DCDC2C: variants seen among roughly 807,000 people sequenced by gnomAD.
DCDC2C encodes doublecortin domain-containing protein 2C.
DCDC2C carries 44 observed loss-of-function variants against 45.0 expected under a neutral mutation model. The observed-to-expected ratio is 0.98, with a 90% confidence interval of 0.77 to 1.26. The LOEUF (loss-of-function observed/expected upper bound fraction) is 1.26. DCDC2C is among the 50% of genes most tolerant of loss of function. DCDC2C has a pLI of 0.00. For synonymous variants in DCDC2C, 187 were observed against 178.8 expected (o/e 1.05, Z -0.37); for missense variants, 447 against 468.9 (o/e 0.95, Z 0.43).
At chr2:3,720,931 C>G (rs773052252) in intron 2 of DCDC2C, among the ~76,000 whole-genome samples, 1 of 152,194 alleles carries the variant, frequency 6.6e-6, no homozygotes, top group African/African-American at 2.4e-5. Context: ...ACAAATTCAA[C>G]TCTTCAGTAA....
chr2:3,720,276 G>A (rs1432051049), intron 2 of DCDC2C, among the ~76,000 whole-genome samples: 2 of 152,240 alleles, frequency 1.3e-5, no homozygotes, highest in African/African-American at 4.8e-5. Flanking sequence ...TTTGAAGCAA[G>A]AGTCAGCTGC....
intron 6 of DCDC2C, among the ~76,000 whole-genome samples, chr2:3,763,095 C>A (rs1279073791): frequency 6.6e-6 from 1 of 152,186 alleles, no homozygotes; most frequent in African/African-American, 2.4e-5. Context: ...CCACACCCCT[C>A]CCCTGGACCA....
chr2:3,724,557 G>A (rs79744363), intron 2 of DCDC2C, among the ~76,000 whole-genome samples: 1 of 152,188 alleles, frequency 6.6e-6, no homozygotes, highest in East Asian at 1.9e-4. Context: ...CATGGCTTGG[G>A]TGCTGTCCTT....
At chr2:3,710,772 A>G (rs1668185851) in intron 2 of DCDC2C, among the ~76,000 whole-genome samples, 4 of 152,162 alleles carry the variant, frequency 2.6e-5, no homozygotes, top group Admixed American at 2.6e-4. Flanking sequence ...ACTTAGGATA[A>G]TGGCTGCAGC....
intron 10 of DCDC2C, among the ~76,000 whole-genome samples, chr2:3,807,352 G>A (rs57780056): frequency 0.1 from 15,182 of 152,238 alleles, 1,035 homozygotes; most frequent in East Asian, 0.29. Flanking sequence ...GTGTGCCCAG[G>A]CAGGGGGCTG....
intron 10 of DCDC2C, among the ~76,000 whole-genome samples, chr2:3,819,226 G>A (rs1367685043): frequency 6.6e-6 from 1 of 152,242 alleles, no homozygotes; most frequent in Non-Finnish European, 1.5e-5. Context: ...CAGAGTTCCA[G>A]GGGTTCTGGG....
At chr2:3,733,816 G>A (rs926301395) in intron 3 of DCDC2C, among the ~76,000 whole-genome samples, 2 of 152,164 alleles carry the variant, frequency 1.3e-5, no homozygotes, top group Admixed American at 1.3e-4. Flanking sequence ...TGAACTGGGG[G>A]GTGAGGGGAC....
intron 8 of DCDC2C, among the ~76,000 whole-genome samples, chr2:3,773,773 A>G (rs1413562371): frequency 6.6e-6 from 1 of 152,218 alleles, no homozygotes; most frequent in Admixed American, 6.5e-5. Context: ...AACATGGCCA[A>G]TTCCATTTTA....
In DCDC2C at chr2:3,806,662, C is replaced by T. The variant is rs966766478; in HGVS notation, c.1065+21562C>T. On this transcript the variant is annotated intron_variant, in intron 10 of 10. Coordinates refer to ENST00000399143, the MANE Select transcript of DCDC2C (RefSeq NM_001287444.2). ...GGTTCAAGCGATTCTCCTGCCTCAG[C>T]GTCCTGAGTAGCTGGGATTACAGGC... Among the ~76,000 whole-genome samples, 3 of 151,850 alleles carry T rather than the reference C, an allele frequency of 2.0e-5. No homozygotes were observed. The East Asian group carries it at 5.8e-4, about 29-fold the overall frequency.
chr2:3,756,749 T>C (rs1037515225), intron 6 of DCDC2C, among the ~76,000 whole-genome samples: 2 of 152,274 alleles, frequency 1.3e-5, no homozygotes, highest in East Asian at 1.9e-4. Context: ...CCAGGTTTTA[T>C]TGGAGATTTC....
chr2:3,843,331 C>T (rs1329542422), intron 10 of DCDC2C, among the ~76,000 whole-genome samples: 54 of 152,060 alleles, frequency 3.6e-4, no homozygotes, highest in Admixed American at 2.0e-4. Context: ...TGGGTCTACG[C>T]GTTACTTCTG....
chr2:3,776,472 C>T (rs1016769581), intron 8 of DCDC2C, among the ~76,000 whole-genome samples: 3 of 152,246 alleles, frequency 2.0e-5, no homozygotes, highest in African/African-American at 7.2e-5. Flanking sequence ...GGGACCTTCA[C>T]CACCCATGGC....
chr2:3,794,216 T>A (rs573338265), intron 10 of DCDC2C, among the ~76,000 whole-genome samples: 14 of 152,340 alleles, frequency 9.2e-5, no homozygotes, highest in African/African-American at 3.4e-4. Flanking sequence ...GTTATGCAAA[T>A]GTATGACACA....
chr2:3,785,786 C>T (rs1670636542), intron 10 of DCDC2C, among the ~76,000 whole-genome samples: 1 of 152,200 alleles, frequency 6.6e-6, no homozygotes, highest in Non-Finnish European at 1.5e-5. Context: ...GACACCTCAG[C>T]ACTCCGCAAA....
intron 9 of DCDC2C, among the ~76,000 whole-genome samples, chr2:3,784,466 TAAAG>T (rs1178966820): frequency 7.9e-5 from 12 of 152,044 alleles, no homozygotes; most frequent in African/African-American, 2.4e-4. Context: ...TAAGATTCAA[TAAAG>T]AGAGAGAGGG....
At chr2:3,778,927 C>A in intron 9 of DCDC2C, 43 bp downstream of exon 9, 1 of 1,518,390 alleles carries the variant, frequency 6.6e-7, no homozygotes, top group Non-Finnish European at 8.9e-7. Flanking sequence ...GGATCTAAGG[C>A]ACCTGACACT....
At chr2:3,777,430 G>A (rs1670374289) in intron 8 of DCDC2C, among the ~76,000 whole-genome samples, 1 of 152,084 alleles carries the variant, frequency 6.6e-6, no homozygotes, top group Non-Finnish European at 1.5e-5. Context: ...GTGTCTTCTG[G>A]CATTGTGGTA....
intron 2 of DCDC2C, among the ~76,000 whole-genome samples, chr2:3,709,744 A>G (rs1465020585): frequency 1.3e-5 from 2 of 152,162 alleles, no homozygotes; most frequent in African/African-American, 4.8e-5. Flanking sequence ...AATTTTGGAA[A>G]TCACCCTTGA....
chr2:3,834,714 A>C (rs146198786), intron 10 of DCDC2C, among the ~76,000 whole-genome samples: 113 of 152,306 alleles, frequency 7.4e-4, no homozygotes, highest in African/African-American at 2.4e-3. Context: ...AGGGCTATTA[A>C]GCAAGTGACT....
Sources: allele counts gnomAD v4.1 joint callset (sites outside exome capture counted in the v4.1 genomes callset), GRCh38; gene constraint gnomAD v4.1.1; transcripts MANE v1.5; gene names NCBI Gene and HGNC (gene_info 2026-07-23, HGNC 2026-07-21).